The following ELAPOR1 variants were observed in gnomAD, a reference collection of about 807,000 sequenced individuals.
ELAPOR1 encodes endosome/lysosome-associated apoptosis and autophagy regulator 1.
A neutral mutation model predicts 119.7 loss-of-function variants in ELAPOR1; 77 were observed. The ratio of observed to expected loss-of-function variants is 0.64; its 90% CI spans 0.54 to 0.78. The LOEUF (loss-of-function observed/expected upper bound fraction) is 0.78, where lower values mean the gene tolerates loss of function less well. Among genes scored for constraint, ELAPOR1 ranks in the 30% least tolerant of loss-of-function variants. ELAPOR1 has a pLI of 0.00. For missense variants in ELAPOR1, 1,115 were observed against 1,270.4 expected, an observed-to-expected ratio of 0.88 and a Z score of 1.86; for synonymous variants, 481 against 487.2, an observed-to-expected ratio of 0.99 and a Z score of 0.17.
chr1:109,195,684 T>A (rs1488543007), intron 15 of ELAPOR1, among the ~76,000 whole-genome samples: 1 of 152,120 alleles, frequency 6.6e-6, no homozygotes, highest in Admixed American at 6.6e-5. Context: ...TTGCTGACAG[T>A]ATGAAAGAAA....
At position 109,193,279 on chromosome 1, in the gene ELAPOR1, G is replaced by A. The variant is rs538362080; in HGVS notation, c.1947+405G>A. The stretch of plus-strand genomic sequence containing the variant: ...TTGGAAAGATAGAAACCCAACCATT[G>A]CTGGGACATATGATAACTGGCATTG... On this transcript the variant is annotated intron_variant, in intron 14 of 21. Coordinates refer to ENST00000369939, the MANE Select transcript of ELAPOR1 (RefSeq NM_020775.5). 1.6e-4 allele frequency among the ~76,000 whole-genome samples: 25 copies of A among 152,302 alleles called. No individual in the cohort carries two copies. In the South Asian group the frequency reaches 5.2e-3, roughly 32 times the overall value.
At chr1:109,146,423 G>A (rs559039970) in intron 1 of ELAPOR1, among the ~76,000 whole-genome samples, 130 of 152,284 alleles carry the variant, frequency 8.5e-4, no homozygotes, top group African/African-American at 2.9e-3. Flanking sequence ...TGGAAGCTGT[G>A]TGGCTCTTTA....
At chr1:109,148,224 C>T (rs529953637) in intron 1 of ELAPOR1, among the ~76,000 whole-genome samples, 35 of 151,752 alleles carry the variant, frequency 2.3e-4, no homozygotes, top group Non-Finnish European at 2.9e-4. Context: ...CTGCAACCTC[C>T]GCCTCCCAGG....
At chr1:109,199,386 T>A (rs1654022777) in intron 18 of ELAPOR1, among the ~76,000 whole-genome samples, 1 of 152,178 alleles carries the variant, frequency 6.6e-6, no homozygotes, top group Non-Finnish European at 1.5e-5. Flanking sequence ...TGTCTGAGTG[T>A]CAAATCCCTG....
chr1:109,153,665 A>C (rs1650676348), intron 1 of ELAPOR1, among the ~76,000 whole-genome samples: 1 of 151,116 alleles, frequency 6.6e-6, no homozygotes, highest in South Asian at 2.1e-4. Flanking sequence ...TTTGAGACAG[A>C]GTCTCGCTCT....
intron 8 of ELAPOR1, chr1:109,186,810 C>A: frequency 1.0e-6 from 1 of 985,588 alleles, no homozygotes; most frequent in Non-Finnish European, 1.2e-6. Context: ...GGGCTCACGC[C>A]AAGGCCTTCT....
At chr1:109,199,755 G>C (rs756185055) in intron 18 of ELAPOR1, 99 bp from the exon 19 acceptor site, 49 of 1,397,786 alleles carry the variant, frequency 3.5e-5, no homozygotes, top group Non-Finnish European at 4.7e-5. Flanking sequence ...TGGGCAGGGA[G>C]AGGGTAAATC....
chr1:109,154,621 G>A (rs922032002), intron 1 of ELAPOR1, among the ~76,000 whole-genome samples: 3 of 152,188 alleles, frequency 2.0e-5, no homozygotes, highest in Admixed American at 6.5e-5. Context: ...TGGGCCATCC[G>A]TTGCAGTCAT....
intron 21 of ELAPOR1, 122 bp downstream of exon 21, chr1:109,201,022 A>T: frequency 1.1e-6 from 1 of 898,276 alleles, no homozygotes; most frequent in Non-Finnish European, 1.7e-6. Context: ...GCCCGATACA[A>T]TTCCATTTCC....
intron 1 of ELAPOR1, among the ~76,000 whole-genome samples, chr1:109,120,621 G>A (rs1330157128): frequency 6.6e-6 from 1 of 151,936 alleles, no homozygotes; most frequent in Admixed American, 6.6e-5. Flanking sequence ...TGTTATAGCA[G>A]ACCAAACAGA....
chr1:109,189,185 G>A lies in ELAPOR1; in HGVS notation c.1339G>A (p.Gly447Ser). The A allele has an allele frequency of 6.2e-7, 1 of 1,613,606 alleles. No homozygotes were observed. The highest frequency in any genetic ancestry group is 8.5e-7 in the Non-Finnish European group (1 of 1,179,834). The change falls in exon 10 of 22, where the codon GGC becomes AGC. Residue 447 changes from glycine (G) to serine (S), a missense_variant. Physicochemically the swap from Gly to Ser is moderately conservative, Grantham distance 56. Transcript: ENST00000369939. ...CAGTGGGATCAACTTCGAGTACAAG[G>A]GCATGACAGGTAATTGCCTCTCCCT... is the stretch of plus-strand genomic sequence containing the variant. ...VLSGINFEYKGMTGWEVAGDH... is the reference protein window; with the variant it reads ...VLSGINFEYKSMTGWEVAGDH...
chr1:109,191,576 C>A, intron 12 of ELAPOR1, 105 bp downstream of exon 12: 2 of 1,385,206 alleles, frequency 1.4e-6, no homozygotes, highest in African/African-American at 1.4e-5. Context: ...TGTAGTGATT[C>A]CACAGAGGAA....
chr1:109,190,135 A>AAC lies in ELAPOR1; in HGVS notation c.1439+456_1439+457dup, dbSNP rs1553172925. On this transcript the variant is annotated intron_variant, in intron 11 of 21. Transcript: ENST00000369939. ...TTGTTTCCCACTAAACAAACAAACA[A>AAC]ACACGCACACACACACACACACCTC... Among the ~76,000 whole-genome samples, 241 of 150,992 alleles carry AAC rather than the reference A, an allele frequency of 1.6e-3. 1 individual carries two copies. The highest frequency in any genetic ancestry group is 5.6e-3 in the African/African-American group (228 of 40,498).
At chr1:109,144,561 C>T (rs995223082) in intron 1 of ELAPOR1, among the ~76,000 whole-genome samples, 5 of 151,900 alleles carry the variant, frequency 3.3e-5, no homozygotes, top group African/African-American at 1.2e-4. Context: ...CCCAACATGG[C>T]GAAACCCTGT....
rs767125139 is a variant in ELAPOR1, at chr1:109,191,861, G to T, written c.1681G>T (p.Ala561Ser). The T allele has an allele frequency of 1.1e-5, 17 of 1,614,114 alleles. No individual in the cohort carries two copies. Among genetic ancestry groups the T allele is most frequent in the Non-Finnish European group, 1.4e-5 (16 of 1,180,014 alleles). Residue 561 changes from alanine (A) to serine (S), a missense_variant and splice_region_variant, in exon 13 of 22, where the codon GCA (alanine) becomes TCA (serine). By Grantham distance (99) the Ala-to-Ser change is moderately conservative. Transcript: ENST00000369939. The part of the protein sequence containing the change: ...WAFQRTTFHE[A>S]SRKYTNDVAK... ...CTTCCAGAGGACCACTTTTCATGAG[G>T]CAGTAAGTTCCTCCCCTTCCTCAGA...
In ELAPOR1 at chr1:109,204,872, A is replaced by G. The variant is rs1171250909; in HGVS notation, c.*1860A>G. Reference sequence around the variant, plus strand: ...AGTTCAAGACCAGCCTGGGCAACACAGTGAGACCCTGTCTCTAAAAAATTT... The same window carrying G: ...AGTTCAAGACCAGCCTGGGCAACACGGTGAGACCCTGTCTCTAAAAAATTT... On this transcript the variant is annotated 3_prime_UTR_variant, in exon 22 of 22. Transcript: ENST00000369939. The G allele has an allele frequency of 6.6e-6, 1 of 152,268 alleles. No individual in the cohort carries two copies. The highest frequency in any genetic ancestry group is 1.9e-4 in the East Asian group (1 of 5,206). 9.4% of individuals were successfully genotyped at this position (152,268 alleles called of 1,614,324 possible). A position where few individuals can be genotyped will look rare whatever the true frequency, so the allele number is the denominator to read the frequency against.
chr1:109,198,740 C>A, intron 18 of ELAPOR1, 66 bp downstream of exon 18: 1 of 1,390,466 alleles, frequency 7.2e-7, no homozygotes, highest in South Asian at 1.2e-5. Flanking sequence ...TCCTGAGATC[C>A]AGAGATTACT....
intron 1 of ELAPOR1, among the ~76,000 whole-genome samples, chr1:109,128,870 A>G (rs1478879860): frequency 6.6e-6 from 1 of 152,216 alleles, no homozygotes; most frequent in East Asian, 1.9e-4. Flanking sequence ...GCCCAAGACC[A>G]AGGATATTAT....
chr1:109,132,996 G>A (rs1435010206), intron 1 of ELAPOR1, among the ~76,000 whole-genome samples: 2 of 152,152 alleles, frequency 1.3e-5, no homozygotes, highest in Non-Finnish European at 2.9e-5. Flanking sequence ...TTGTGAGGCC[G>A]AGGCAGGAGG....
Sources: gnomAD v4.1 joint callset for allele counts (sites outside exome capture counted in the v4.1 genomes callset) on GRCh38, gnomAD v4.1.1 for gene constraint, MANE v1.5 for transcripts, NCBI Gene and HGNC (gene_info 2026-07-23, HGNC 2026-07-21) for gene names.